Variants in NAV2 observed in about 807,000 individuals in gnomAD.
The protein encoded by NAV2 is neuron navigator 2.
In NAV2, 54 loss-of-function variants were observed where a neutral mutation model predicts 223.2. The ratio of observed to expected loss-of-function variants is 0.24; its 90% CI spans 0.19 to 0.30. The LOEUF (loss-of-function observed/expected upper bound fraction) is 0.30, where lower values mean the gene tolerates loss of function less well. NAV2 is among the 10% of genes least tolerant of loss of function. The pLI, the probability that NAV2 is intolerant of heterozygous loss-of-function variation, is 1.00. For missense variants in NAV2, 2,806 were observed against 3,147.5 expected, an observed-to-expected ratio of 0.89 and a Z score of 2.60; for synonymous variants, 1,279 against 1,239.3, an observed-to-expected ratio of 1.03 and a Z score of -0.67.
Position 19,535,792 on chromosome 11 carries a change from G to T in NAV2, c.75+184765G>T, listed in dbSNP as rs75573632. Among the ~76,000 whole-genome samples, 223 of 152,290 alleles carry T rather than the reference G, an allele frequency of 1.5e-3. 2 individuals carry two copies. Among genetic ancestry groups the T allele is most frequent in the African/African-American group, 5.1e-3 (213 of 41,570 alleles). ...GTTCTCAATTAACGCCCAACAGCGT[G>T]GGGATCCATCTTCTTGTGGTCCAAA... On this transcript the variant is annotated intron_variant, in intron 1 of 37. Coordinates refer to the NAV2 transcript ENST00000360655.
intron 1 of NAV2, among the ~76,000 whole-genome samples, chr11:19,502,471 A>G (rs756902371): frequency 2.0e-5 from 3 of 152,200 alleles, no homozygotes; most frequent in Non-Finnish European, 4.4e-5. Context: ...GATGACAGCT[A>G]TAGGTTTTCA....
rs796800924 is a variant in NAV2 at position 19,618,393 on chromosome 11, G to GATGGATGA, written c.76-214088_76-214087insGATGAATG. ...GGATGGATGGATGGATGGATGGATG[G>GATGGATGA]ATGAATAGATGGATGGATGGATGGA... is the stretch of plus-strand genomic sequence containing the variant. On this transcript the variant is annotated intron_variant, in intron 1 of 37. Coordinates refer to the NAV2 transcript ENST00000360655. Among the ~76,000 whole-genome samples the GATGGATGA allele has an allele frequency of 6.9e-3, 137 of 19,740 alleles. 3 individuals carry two copies. Among genetic ancestry groups the GATGGATGA allele is most frequent in the East Asian group, 0.045 (31 of 684 alleles). The allele number at this position is 19,740 out of a possible 152,430, so 13.0% of individuals were successfully genotyped here. A position where few individuals can be genotyped will look rare whatever the true frequency, so the allele number is the denominator to read the frequency against.
intron 1 of NAV2, among the ~76,000 whole-genome samples, chr11:19,574,904 A>G (rs2045528148): frequency 6.6e-6 from 1 of 152,220 alleles, no homozygotes; most frequent in Non-Finnish European, 1.5e-5. Context: ...AGATCAGAAC[A>G]GGCCAACCAT....
intron 1 of NAV2, among the ~76,000 whole-genome samples, chr11:19,730,858 A>C (rs1437017575): frequency 2.0e-5 from 3 of 152,182 alleles, no homozygotes; most frequent in Non-Finnish European, 4.4e-5. Context: ...GCCTGCCTAC[A>C]GGTGCAGCTG....
chr11:19,469,862 A>C (rs1385484995), intron 1 of NAV2, among the ~76,000 whole-genome samples: 1 of 152,222 alleles, frequency 6.6e-6, no homozygotes, highest in East Asian at 1.9e-4. Flanking sequence ...GCCCCACAAG[A>C]ACCCCTCACT....
intron 1 of NAV2, among the ~76,000 whole-genome samples, chr11:19,680,783 A>G (rs2048860417): frequency 1.3e-5 from 2 of 152,226 alleles, no homozygotes; most frequent in African/African-American, 4.8e-5. Context: ...AGTGGTAATT[A>G]TTATAAAACA....
chr11:20,077,524 A>G (rs752913066), intron 22 of NAV2, 28 bp from the exon 23 acceptor site: 7 of 1,562,256 alleles, frequency 4.5e-6, no homozygotes, highest in East Asian at 2.2e-5. Flanking sequence ...GCAAGGTAAT[A>G]TAACTGAGGT....
chr11:20,103,740 C>T lies in NAV2; in HGVS notation c.6644+16C>T, dbSNP rs1277144597. 1.5e-5 allele frequency: 24 copies of T among 1,611,730 alleles called. No individual in the cohort carries two copies. On this transcript the variant is annotated intron_variant, in intron 34 of 37. Transcript: ENST00000349880. ...ATAACTTCAGGTCAGTTTTCCCTTCCCTTGTCCAGTTAAACAATGGAATCA... is the reference window on the plus strand; with the variant it reads ...ATAACTTCAGGTCAGTTTTCCCTTCTCTTGTCCAGTTAAACAATGGAATCA...
intron 1 of NAV2, among the ~76,000 whole-genome samples, chr11:19,776,691 G>C (rs1013559491): frequency 1.5e-5 from 2 of 134,300 alleles, no homozygotes; most frequent in African/African-American, 5.2e-5. Context: ...GAGTTGTGGG[G>C]GTCAGAAATG....
intron 6 of NAV2, among the ~76,000 whole-genome samples, chr11:19,919,422 G>C (rs1023704553): frequency 4.6e-5 from 7 of 152,114 alleles, no homozygotes; most frequent in African/African-American, 1.7e-4. Context: ...TCCAGACAGT[G>C]AGAACTGTGT....
chr11:19,942,072 T>C (rs1236988820), intron 8 of NAV2, among the ~76,000 whole-genome samples: 4 of 152,174 alleles, frequency 2.6e-5, no homozygotes, highest in Non-Finnish European at 5.9e-5. Flanking sequence ...CTTGGCAAGG[T>C]CCAGATCGCT....
chr11:19,844,365 C>A (rs2060669964), intron 3 of NAV2, among the ~76,000 whole-genome samples: 1 of 151,882 alleles, frequency 6.6e-6, no homozygotes, highest in Non-Finnish European at 1.5e-5. Context: ...AATTGTCAAC[C>A]TTTTATTCTA....
rs371823442 is a variant in NAV2 at position 20,049,126 on chromosome 11, C to T, written c.4301C>T (p.Ala1434Val). Reference sequence around the variant, plus strand: ...CACAATTCTTCCACTGGCCTCATCGCCTCCTCCAAGGACGACTCCTTGACT... The same window carrying T: ...CACAATTCTTCCACTGGCCTCATCGTCTCCTCCAAGGACGACTCCTTGACT... ...PSHNSSTGLI[A>V]SSKDDSLTPF... The change falls in exon 15 of 38, where the codon GCC becomes GTC. Residue 1434 changes from alanine (A) to valine (V), a missense_variant. By Grantham distance (64) the Ala-to-Val change is moderately conservative (BLOSUM62 0). Around this residue, in one of 4 missense-constraint regions of NAV2, gnomAD observed 742 missense variants for 777.9 expected, o/e 0.95. Transcript: ENST00000349880. The T allele has an allele frequency of 6.2e-7, 1 of 1,613,874 alleles. No individual in the cohort carries two copies. Among genetic ancestry groups the T allele is most frequent in the African/African-American group, 1.3e-5 (1 of 74,902 alleles).
chr11:20,105,549 C>T lies in NAV2; in HGVS notation c.6663C>T (p.Asn2221=). 1.9e-6 allele frequency: 3 copies of T among 1,613,644 alleles called. No homozygotes were observed. The highest frequency in any genetic ancestry group is 2.5e-6 in the Non-Finnish European group (3 of 1,179,728). ...HHNFRWVLCA[N]HTEPVKGFLG... Reference sequence around the variant, plus strand: ...CCTCCAGATGGGTGCTTTGTGCCAACCACACGGAGCCTGTGAAGGGTTTCC... The same window carrying T: ...CCTCCAGATGGGTGCTTTGTGCCAATCACACGGAGCCTGTGAAGGGTTTCC... The change falls in exon 35 of 38, where the codon AAC becomes AAT. Residue 2221 remains asparagine, a synonymous_variant. Transcript: ENST00000349880.
At chr11:19,421,597 C>T (rs2729927) in intron 1 of NAV2, among the ~76,000 whole-genome samples, 8,291 of 151,968 alleles carry the variant, frequency 0.055, 734 homozygotes, top group African/African-American at 0.19. Flanking sequence ...TAAATTTGAT[C>T]TAAAGACAAA....
chr11:20,097,770 G>A (rs374321252), intron 31 of NAV2, 25 bp downstream of exon 31: 206 of 1,542,016 alleles, frequency 1.3e-4, no homozygotes, highest in Middle Eastern at 1.7e-4. Flanking sequence ...TGCAGAAGTC[G>A]GAGCTTTCAG....
chr11:20,105,614 T>C lies in NAV2; in HGVS notation c.6728T>C (p.Ile2243Thr). The change falls in exon 35 of 38, where the codon ATC (isoleucine) becomes ACC (threonine). Residue 2243 changes from isoleucine to threonine, a missense_variant. By Grantham distance (89) the Ile-to-Thr change is moderately conservative. This residue lies in a region of NAV2 where 824 missense variants were observed against 1,069.4 expected (regional missense o/e 0.77). Transcript: ENST00000349880. ...FLRRKLMETE[I>T]SGRVRNMELV... The stretch of plus-strand genomic sequence containing the variant: ...AGGAGGAAGCTCATGGAAACAGAGA[T>C]CAGTGGGCGGGTGCGCAATATGGAG... 6.2e-7 allele frequency: 1 copy of C among 1,613,972 alleles called. No homozygotes were observed. Among genetic ancestry groups the C allele is most frequent in the African/African-American group, 1.3e-5 (1 of 75,010 alleles).
In NAV2 at chr11:19,886,242, C is replaced by T. The variant is rs530027587; in HGVS notation, c.770+6115C>T. The stretch of plus-strand genomic sequence containing the variant: ...ATCCTCCCGCCTTGGCCTCCCAGGG[C>T]GCTGGGATTACAGGTGTGAGCCACT... On this transcript the variant is annotated intron_variant, in intron 5 of 37. Transcript: ENST00000349880. Among the ~76,000 whole-genome samples the T allele has an allele frequency of 8.5e-5, 13 of 152,086 alleles. No individual in the cohort carries two copies. The East Asian group carries it at 1.2e-3, about 14-fold the overall frequency.
chr11:20,120,162 T>C lies in NAV2; in HGVS notation c.*1904T>C, dbSNP rs1033973215. ...TGTCTCTTGGCATCTTTTTTTAGTT[T>C]CTTACCATAAGAGTTTGACCCGAAA... On this transcript the variant is annotated 3_prime_UTR_variant, in exon 38 of 38. Coordinates refer to ENST00000349880, the MANE Select transcript of NAV2 (RefSeq NM_145117.5). 18 of 152,214 alleles carry C rather than the reference T, an allele frequency of 1.2e-4. No homozygotes were observed. Among genetic ancestry groups the C allele is most frequent in the African/African-American group, 4.3e-4 (18 of 41,458 alleles). 9.4% of individuals were successfully genotyped at this position (152,214 alleles called of 1,614,324 possible).
Sources: gnomAD v4.1 joint callset for allele counts (sites outside exome capture counted in the v4.1 genomes callset) on GRCh38, gnomAD v4.1.1 for gene constraint, gnomAD v4.1.1 regional missense constraint, MANE v1.5 for transcripts, NCBI Gene and HGNC (gene_info 2026-07-23, HGNC 2026-07-21) for gene names.